Variants in WDR75 observed in about 807,000 individuals in gnomAD.
WDR75 encodes WD repeat-containing protein 75.
In WDR75, 52 loss-of-function variants were observed where a neutral mutation model predicts 106.1. The ratio of observed to expected loss-of-function variants is 0.49; its 90% CI spans 0.39 to 0.62. The LOEUF (loss-of-function observed/expected upper bound fraction) is 0.62. Ranked by LOEUF, WDR75 falls within the 20% of genes least tolerant of loss-of-function variation. WDR75 has a pLI of 0.00. For synonymous variants in WDR75, 333 were observed against 335.5 expected (o/e 0.99, Z 0.08); for missense variants, 905 against 970.3 (o/e 0.93, Z 0.89).
intron 1 of WDR75, among the ~76,000 whole-genome samples, chr2:189,447,028 A>T (rs1243544844): frequency 2.0e-5 from 3 of 152,216 alleles, no homozygotes; most frequent in Non-Finnish European, 4.4e-5. Context: ...CTCAGGTGAG[A>T]CAAGGGAATT....
intron 5 of WDR75, 70 bp from the exon 6 acceptor site, chr2:189,457,241 C>CAAAAAAAAAAG (rs909848532): frequency 1.1e-6 from 1 of 923,992 alleles, no homozygotes; most frequent in East Asian, 3.1e-5. Context: ...GACTTTGTCT[C>CAAAAAAAAAAG]AAAAAAAAAA....
chr2:189,458,473 A>ATTCC (rs1686788599), intron 6 of WDR75, among the ~76,000 whole-genome samples: 1 of 152,208 alleles, frequency 6.6e-6, no homozygotes, highest in African/African-American at 2.4e-5. Flanking sequence ...AAAAATCACT[A>ATTCC]AAATCTTTAC....
intron 1 of WDR75, among the ~76,000 whole-genome samples, chr2:189,446,132 A>G (rs569258297): frequency 1.3e-5 from 2 of 152,298 alleles, no homozygotes; most frequent in African/African-American, 2.4e-5. Flanking sequence ...GGAGTTATGA[A>G]CTATTTTAAT....
intron 9 of WDR75, 31 bp downstream of exon 9, chr2:189,462,673 A>G (rs1337564164): frequency 6.3e-7 from 1 of 1,597,566 alleles, no homozygotes; most frequent in Admixed American, 1.7e-5. Context: ...ATGAGGAAAT[A>G]TATAAACACC....
intron 5 of WDR75, among the ~76,000 whole-genome samples, chr2:189,456,137 C>A (rs1200552575): frequency 6.6e-6 from 1 of 152,160 alleles, no homozygotes; most frequent in Non-Finnish European, 1.5e-5. Context: ...GAGTAAACTT[C>A]TTTAACATCA....
chr2:189,466,608 A>G (rs1336701460), intron 13 of WDR75, 26 bp downstream of exon 13: 2 of 1,581,298 alleles, frequency 1.3e-6, no homozygotes, highest in Non-Finnish European at 1.7e-6. Flanking sequence ...TGTTATGTTT[A>G]AAGTGTGCAC....
At chr2:189,449,385 T>C (rs1281382984) in intron 2 of WDR75, 1 of 1,285,800 alleles carries the variant, frequency 7.8e-7, no homozygotes. Context: ...AAGTAACTTT[T>C]CTACGGGATC....
intron 1 of WDR75, among the ~76,000 whole-genome samples, chr2:189,442,193 T>TA (rs1686387190): frequency 6.6e-6 from 1 of 152,074 alleles, no homozygotes; most frequent in South Asian, 2.1e-4. Flanking sequence ...CCATCATCTG[T>TA]AAAGGGGGAC....
chr2:189,442,451 T>C lies in WDR75; in HGVS notation c.86+873T>C, dbSNP rs922642687. ...TAGCCTCCACAATATTCTTTTTTTT[T>C]TTTTTTTTTTTTTTTTTGATGCAGA... On this transcript the variant is annotated intron_variant, in intron 1 of 20. Coordinates refer to ENST00000314761, the MANE Select transcript of WDR75 (RefSeq NM_032168.3). Among the ~76,000 whole-genome samples, 67 of 126,828 alleles carry C rather than the reference T, an allele frequency of 5.3e-4. 1 individual carries two copies. The highest frequency in any genetic ancestry group is 1.7e-3 in the Admixed American group (21 of 12,230). The allele number at this position is 126,828 out of a possible 152,430, so 83.2% of individuals were successfully genotyped here.
chr2:189,452,589 C>CAAT (rs1686650121), intron 4 of WDR75, among the ~76,000 whole-genome samples: 1 of 151,872 alleles, frequency 6.6e-6, no homozygotes, highest in African/African-American at 2.4e-5. Context: ...TATTAAGAAC[C>CAAT]AATAATGTGA....
intron 2 of WDR75, 182 bp downstream of exon 2, chr2:189,448,690 TC>T: frequency 3.9e-6 from 3 of 771,760 alleles, no homozygotes; most frequent in African/African-American, 1.7e-5. Context: ...AACCATTTGT[TC>T]CACAGAATGC....
chr2:189,445,021 G>C (rs1172984148), intron 1 of WDR75, among the ~76,000 whole-genome samples: 1 of 152,098 alleles, frequency 6.6e-6, no homozygotes, highest in African/African-American at 2.4e-5. Flanking sequence ...TATGTGACAG[G>C]TGTTGTGGTG....
chr2:189,445,276 A>T (rs1396841977), intron 1 of WDR75, among the ~76,000 whole-genome samples: 1 of 152,202 alleles, frequency 6.6e-6, no homozygotes, highest in Non-Finnish European at 1.5e-5. Context: ...TTTGTGTTTG[A>T]CTTATTATTG....
At chr2:189,464,055 C>T (rs1238681586) in intron 11 of WDR75, 94 bp downstream of exon 11, 2 of 1,015,772 alleles carry the variant, frequency 2.0e-6, no homozygotes, top group East Asian at 2.5e-5. Flanking sequence ...AAAACAAGAT[C>T]CTGTGCATAT....
intron 11 of WDR75, chr2:189,464,167 C>T: frequency 1.8e-6 from 1 of 557,672 alleles, no homozygotes; most frequent in South Asian, 2.3e-5. Flanking sequence ...CCAGTTGGCA[C>T]TCCTGTACGT....
At chr2:189,446,276 A>G (rs946556661) in intron 1 of WDR75, among the ~76,000 whole-genome samples, 7 of 152,220 alleles carry the variant, frequency 4.6e-5, no homozygotes, top group Non-Finnish European at 7.3e-5. Context: ...AGCAAGTAAT[A>G]TGGTCAAATT....
intron 2 of WDR75, chr2:189,450,380 G>A: frequency 1.0e-6 from 1 of 978,278 alleles, no homozygotes; most frequent in Non-Finnish European, 1.2e-6. Context: ...TTTTTTTTCT[G>A]GAGAGTCTCA....
intron 5 of WDR75, among the ~76,000 whole-genome samples, chr2:189,456,728 G>A (rs1480866942): frequency 6.6e-6 from 1 of 152,120 alleles, no homozygotes; most frequent in Non-Finnish European, 1.5e-5. Flanking sequence ...ATCAAACATT[G>A]CATTTTAGTG....
chr2:189,471,344 C>T (rs1687115365), intron 18 of WDR75, among the ~76,000 whole-genome samples: 1 of 152,202 alleles, frequency 6.6e-6, no homozygotes, highest in Non-Finnish European at 1.5e-5. Context: ...ATACACAACA[C>T]ACACTTTCCC....
Sources: gnomAD v4.1 joint callset for allele counts (sites outside exome capture counted in the v4.1 genomes callset) on GRCh38, gnomAD v4.1.1 for gene constraint, MANE v1.5 for transcripts, NCBI Gene and HGNC (gene_info 2026-07-23, HGNC 2026-07-21) for gene names.